The following ANKRD45 variants were observed in gnomAD, a reference collection of about 807,000 sequenced individuals.
The protein encoded by ANKRD45 is ankyrin repeat domain-containing protein 45.
A neutral mutation model predicts 28.1 loss-of-function variants in ANKRD45; 21 were observed. That is an observed-to-expected ratio of 0.75 (90% CI 0.53 to 1.08). ANKRD45 has a LOEUF of 1.08. Among genes scored for constraint, ANKRD45 ranks in the 50% least tolerant of loss-of-function variants. The probability of loss-of-function intolerance (pLI) is 0.00; values close to 1 mark genes in which losing one functional copy is unlikely to be tolerated. For missense variants in ANKRD45, 261 were observed against 308.7 expected (o/e 0.85, Z 1.16); for synonymous variants, 86 against 103.9 (o/e 0.83, Z 1.05).
chr1:173,667,354 T>G (rs1236498750), intron 1 of ANKRD45, among the ~76,000 whole-genome samples: 1 of 152,192 alleles, frequency 6.6e-6, no homozygotes, highest in Non-Finnish European at 1.5e-5. Flanking sequence ...TGTAACACAG[T>G]ATGAAACGTT....
intron 3 of ANKRD45, among the ~76,000 whole-genome samples, chr1:173,640,167 C>T (rs904071021): frequency 2.6e-5 from 4 of 152,072 alleles, no homozygotes; most frequent in African/African-American, 9.7e-5. Context: ...ATTTACATTC[C>T]TAAGCTGATG....
chr1:173,672,122 C>G (rs1378822056), upstream of ANKRD45, among the ~76,000 whole-genome samples: 1 of 152,188 alleles, frequency 6.6e-6, no homozygotes, highest in African/African-American at 2.4e-5. Context: ...GATTCACCAC[C>G]AGTAACACCA....
At chr1:173,637,806 T>C (rs906482780) in intron 3 of ANKRD45, among the ~76,000 whole-genome samples, 2 of 152,216 alleles carry the variant, frequency 1.3e-5, no homozygotes, top group African/African-American at 4.8e-5. Context: ...TTTGCAACAC[T>C]AAGCACCCGT....
At chr1:173,668,636 C>T (rs949523592) in intron 1 of ANKRD45, among the ~76,000 whole-genome samples, 11 of 152,176 alleles carry the variant, frequency 7.2e-5, no homozygotes, top group Admixed American at 1.3e-4. Flanking sequence ...AGAAATTAAA[C>T]ACTAGCCAAA....
At chr1:173,621,712 CA>C (rs1401840770) in intron 5 of ANKRD45, among the ~76,000 whole-genome samples, 1 of 152,040 alleles carries the variant, frequency 6.6e-6, no homozygotes, top group Non-Finnish European at 1.5e-5. Flanking sequence ...AATGAAAGGA[CA>C]AAAAGTGGAA....
chr1:173,665,428 AC>A (rs1241294422), intron 1 of ANKRD45, among the ~76,000 whole-genome samples: 2 of 152,218 alleles, frequency 1.3e-5, no homozygotes, highest in African/African-American at 2.4e-5. Flanking sequence ...ACACTTGATT[AC>A]CAACATATTA....
chr1:173,635,394 C>G, intron 3 of ANKRD45: 1 of 747,814 alleles, frequency 1.3e-6, no homozygotes, highest in East Asian at 2.7e-5. Context: ...ACCATTTTAA[C>G]TAATAGCTCC....
the ANKRD45 span, among the ~76,000 whole-genome samples, chr1:173,695,666 G>A: frequency 7.9e-5 from 12 of 152,184 alleles, no homozygotes; most frequent in Non-Finnish European, 1.6e-4. Flanking sequence ...ATAAGCATAT[G>A]AGTGTGTGTG....
chr1:173,615,944 A>C (rs1014045768), intron 5 of ANKRD45, among the ~76,000 whole-genome samples: 6 of 152,146 alleles, frequency 3.9e-5, no homozygotes, highest in Non-Finnish European at 7.4e-5. Context: ...TCTACTAAAA[A>C]TACAAAAAAT....
intron 2 of ANKRD45, among the ~76,000 whole-genome samples, chr1:173,651,790 C>T (rs1571756199): frequency 6.6e-6 from 1 of 152,156 alleles, no homozygotes; most frequent in African/African-American, 2.4e-5. Context: ...GTTTGTAGTT[C>T]TCCTTGAAGA....
the ANKRD45 span, chr1:173,675,421 T>C: frequency 4.2e-6 from 1 of 235,552 alleles, no homozygotes; most frequent in Non-Finnish European, 8.7e-6. Flanking sequence ...GAGACCAGCT[T>C]GGCCAACATG....
intron 1 of ANKRD45, 98 bp downstream of exon 1, chr1:173,669,719 C>T (rs1670182376): frequency 3.4e-6 from 1 of 298,206 alleles, no homozygotes; most frequent in Non-Finnish European, 7.1e-6. Context: ...CCCCTCCAGC[C>T]CTGCCCGAGC....
rs1043255772 is a variant in ANKRD45 at position 173,608,757 on chromosome 1, G to A, written c.*1388C>T. Among the ~76,000 whole-genome samples, 1 of 148,288 alleles carries A rather than the reference G, an allele frequency of 6.7e-6. No individual in the cohort carries two copies. The highest frequency in any genetic ancestry group is 1.5e-5 in the Non-Finnish European group (1 of 67,348). ...AGGAGAGGCAGACCCTGTCAAGAAG[G>A]TTGCGGGGGTGGAGAGAGAGAGAGA... On this transcript the variant is annotated 3_prime_UTR_variant, in exon 6 of 6. Transcript: ENST00000333279.
the ANKRD45 span, among the ~76,000 whole-genome samples, chr1:173,679,838 T>C: frequency 7.2e-5 from 11 of 152,022 alleles, no homozygotes; most frequent in Non-Finnish European, 2.9e-5. Flanking sequence ...AGAACTTAAA[T>C]TTACAAGAAA....
At chr1:173,641,252 G>T (rs1302799883) in intron 3 of ANKRD45, among the ~76,000 whole-genome samples, 1 of 152,150 alleles carries the variant, frequency 6.6e-6, no homozygotes. Context: ...CGATTGTTAC[G>T]CTTGTGCACA....
chr1:173,611,577 A>G (rs1667152222), intron 5 of ANKRD45, among the ~76,000 whole-genome samples: 1 of 17,500 alleles, frequency 5.7e-5, no homozygotes, highest in Non-Finnish European at 8.4e-5. Context: ...ATACATACAT[A>G]CACACACACA....
chr1:173,708,999 T>C, the ANKRD45 span, among the ~76,000 whole-genome samples: 1 of 152,202 alleles, frequency 6.6e-6, no homozygotes, highest in Non-Finnish European at 1.5e-5. Context: ...CTTGTGCATA[T>C]TCTTCCTGCT....
At chr1:173,698,492 A>G in the ANKRD45 span, among the ~76,000 whole-genome samples, 1 of 152,224 alleles carries the variant, frequency 6.6e-6, no homozygotes, top group African/African-American at 2.4e-5. Flanking sequence ...CAGCGCAATT[A>G]AATTAGAATG....
the ANKRD45 span, among the ~76,000 whole-genome samples, chr1:173,688,565 T>TCTCCCTCTCTGCCTCTTC: frequency 7.4e-6 from 1 of 134,270 alleles, no homozygotes; most frequent in African/African-American, 2.6e-5. Context: ...CCTCTTCCTC[T>TCTCCCTCTCTGCCTCTTC]CTCTCTCTCT....
Sources: allele counts gnomAD v4.1 joint callset (sites outside exome capture counted in the v4.1 genomes callset), GRCh38; gene constraint gnomAD v4.1.1; transcripts MANE v1.5; gene names NCBI Gene and HGNC (gene_info 2026-07-23, HGNC 2026-07-21).